Variants in OSBPL3 observed in about 807,000 individuals in gnomAD.
OSBPL3 encodes oxysterol-binding protein-related protein 3.
A neutral mutation model predicts 120.1 loss-of-function variants in OSBPL3; 65 were observed. The ratio of observed to expected loss-of-function variants is 0.54; its 90% CI spans 0.44 to 0.67. The LOEUF (loss-of-function observed/expected upper bound fraction) is 0.67, where lower values mean the gene tolerates loss of function less well. Ranked by LOEUF, OSBPL3 falls within the 30% of genes least tolerant of loss-of-function variation. The probability of loss-of-function intolerance (pLI) is 0.00; values close to 1 mark genes in which losing one functional copy is unlikely to be tolerated. For missense variants in OSBPL3, 1,004 were observed against 1,082.1 expected (o/e 0.93, Z 1.01); for synonymous variants, 416 against 402.6 (o/e 1.03, Z -0.40).
intron 2 of OSBPL3, among the ~76,000 whole-genome samples, chr7:24,885,569 C>A (rs1397944147): frequency 6.6e-6 from 1 of 152,196 alleles, no homozygotes; most frequent in Non-Finnish European, 1.5e-5. Context: ...CATTTCAAAA[C>A]CCCTGCAATC....
intron 1 of OSBPL3, 65 bp downstream of exon 1, chr7:24,979,821 A>T: frequency 1.1e-6 from 1 of 922,714 alleles, no homozygotes; most frequent in Non-Finnish European, 1.3e-6. Flanking sequence ...AGCCCTTCCG[A>T]GCCCGCGCCG....
At chr7:24,926,692 C>A (rs1811093310) in intron 1 of OSBPL3, among the ~76,000 whole-genome samples, 1 of 152,170 alleles carries the variant, frequency 6.6e-6, no homozygotes. Flanking sequence ...TGCCTAACAT[C>A]CCCAGGCTGG....
intron 1 of OSBPL3, among the ~76,000 whole-genome samples, chr7:24,907,523 T>C (rs909148541): frequency 7.8e-6 from 1 of 127,802 alleles, no homozygotes; most frequent in Non-Finnish European, 1.8e-5. Flanking sequence ...TTGGCTGTTA[T>C]CACTCAAACT....
rs1812784999 is a variant in OSBPL3 at position 24,939,061 on chromosome 7, T to G, written c.-150+40825A>C. On this transcript the variant is annotated intron_variant, in intron 1 of 22. Coordinates refer to ENST00000313367, the MANE Select transcript of OSBPL3 (RefSeq NM_015550.4). This position sits in a 1 kb window ranked among gnomAD's most constrained non-coding sequence, Gnocchi z 4.2. ...ATATTGGATGAAATCATAGGAACAG[T>G]TAAGATAGCCCAAGGAATCAGCACT... 6.6e-6 allele frequency among the ~76,000 whole-genome samples: 1 copy of G among 152,044 alleles called. No homozygotes were observed. Among genetic ancestry groups the G allele is most frequent in the African/African-American group, 2.4e-5 (1 of 41,368 alleles).
rs1813777536 is a variant in OSBPL3, at chr7:24,946,746, C to T, written c.-150+33140G>A. ...TCCATGTGGCAAACATTTCTCCCTCCTCTGCTCACATCATTTTTTATCATA... is the reference window on the plus strand; with the variant it reads ...TCCATGTGGCAAACATTTCTCCCTCTTCTGCTCACATCATTTTTTATCATA... On this transcript the variant is annotated intron_variant, in intron 1 of 22. Transcript: ENST00000313367. The surrounding 1 kb of genome is among the most constrained non-coding windows in gnomAD (Gnocchi z 4.3). Among the ~76,000 whole-genome samples, 1 of 152,178 alleles carries T rather than the reference C, an allele frequency of 6.6e-6. No individual in the cohort carries two copies. Among genetic ancestry groups the T allele is most frequent in the South Asian group, 2.1e-4 (1 of 4,838 alleles).
chr7:24,839,514 A>G (rs1797428688), intron 14 of OSBPL3, among the ~76,000 whole-genome samples: 1 of 152,216 alleles, frequency 6.6e-6, no homozygotes, highest in African/African-American at 2.4e-5. Context: ...GGTCCGTCCA[A>G]GAGATAGCCA....
rs1483916963 is a variant in OSBPL3 at position 24,959,566 on chromosome 7, G to A, written c.-150+20320C>T. On this transcript the variant is annotated intron_variant, in intron 1 of 22. Coordinates refer to ENST00000313367, the MANE Select transcript of OSBPL3 (RefSeq NM_015550.4). This position sits in a 1 kb window ranked among gnomAD's most constrained non-coding sequence, Gnocchi z 4.3. Reference sequence around the variant, plus strand: ...GCGGGTAGGGATAGCGACTTCGGAAGAGCTGGTAATCACCTGTTTCTTGTT... The same window carrying A: ...GCGGGTAGGGATAGCGACTTCGGAAAAGCTGGTAATCACCTGTTTCTTGTT... 6.6e-6 allele frequency among the ~76,000 whole-genome samples: 1 copy of A among 152,170 alleles called. No individual in the cohort carries two copies. Among genetic ancestry groups the A allele is most frequent in the East Asian group, 1.9e-4 (1 of 5,206 alleles).
chr7:24,861,384 G>C (rs1800509708), intron 10 of OSBPL3, among the ~76,000 whole-genome samples: 1 of 152,142 alleles, frequency 6.6e-6, no homozygotes, highest in South Asian at 2.1e-4. Context: ...GAATTGCTCA[G>C]CTTTTAAAGT....
intron 1 of OSBPL3, among the ~76,000 whole-genome samples, chr7:24,970,710 T>C (rs1028262274): frequency 6.6e-6 from 1 of 152,210 alleles, no homozygotes; most frequent in African/African-American, 2.4e-5. Flanking sequence ...TACTTCTAGG[T>C]AGCACCTTGT....
intron 1 of OSBPL3, among the ~76,000 whole-genome samples, chr7:24,897,550 C>T (rs1562900360): frequency 6.6e-6 from 1 of 151,974 alleles, no homozygotes; most frequent in African/African-American, 2.4e-5. Flanking sequence ...TGGTCTCGAT[C>T]TCCTGACCTC....
rs1381165309 is a variant in OSBPL3, at chr7:24,932,529, T to C, written c.-149-39908A>G. Among the ~76,000 whole-genome samples the C allele has an allele frequency of 6.6e-6, 1 of 151,982 alleles. No individual in the cohort carries two copies. The highest frequency in any genetic ancestry group is 1.5e-5 in the Non-Finnish European group (1 of 67,982). On this transcript the variant is annotated intron_variant, in intron 1 of 22. Coordinates refer to ENST00000313367, the MANE Select transcript of OSBPL3 (RefSeq NM_015550.4). This position sits in a 1 kb window ranked among gnomAD's most constrained non-coding sequence, Gnocchi z 5.6. ...GTGGGGTCTTTGGGAGGTGATTAGG[T>C]CATGAAGGCAGAGCCCTCATGAATG... is the stretch of plus-strand genomic sequence containing the variant.
intron 1 of OSBPL3, among the ~76,000 whole-genome samples, chr7:24,921,246 T>TGTAG (rs1369672432): frequency 5.3e-5 from 8 of 151,836 alleles, no homozygotes; most frequent in Admixed American, 5.2e-4. Context: ...AATACCACGA[T>TGTAG]GTAGGCTAAA....
At chr7:24,919,577 G>A (rs1327042735) in intron 1 of OSBPL3, among the ~76,000 whole-genome samples, 3 of 151,880 alleles carry the variant, frequency 2.0e-5, no homozygotes, top group Non-Finnish European at 2.9e-5. Flanking sequence ...AAACATAGGG[G>A]TAACTCTTCC....
chr7:24,907,638 C>T (rs926326351), intron 1 of OSBPL3, among the ~76,000 whole-genome samples: 4 of 152,170 alleles, frequency 2.6e-5, no homozygotes, highest in Non-Finnish European at 4.4e-5. Context: ...TTCTCTCTTC[C>T]GTCTGTGGCA....
Position 24,907,107 on chromosome 7 carries a change from C to T in OSBPL3, c.-149-14486G>A, listed in dbSNP as rs543791924. ...TCCCTGACACTGACCTCATCACCCCCCAATGTGTTTTATATTCTTCTATTC... is the reference window on the plus strand; with the variant it reads ...TCCCTGACACTGACCTCATCACCCCTCAATGTGTTTTATATTCTTCTATTC... On this transcript the variant is annotated intron_variant, in intron 1 of 22. Transcript: ENST00000313367. Among the ~76,000 whole-genome samples, 39 of 152,262 alleles carry T rather than the reference C, an allele frequency of 2.6e-4. 1 individual carries two copies. Among genetic ancestry groups the T allele is most frequent in the South Asian group, 2.3e-3 (11 of 4,818 alleles).
chr7:24,940,876 C>A lies in OSBPL3; in HGVS notation c.-150+39010G>T, dbSNP rs190956314. On this transcript the variant is annotated intron_variant, in intron 1 of 22. Transcript: ENST00000313367. This position sits in a 1 kb window ranked among gnomAD's most constrained non-coding sequence, Gnocchi z 4.4. ...GCTCTGTCGCCCAGGCTGGAGTGCA[C>A]TGGCGCGATCTCGGCTCACTGCAAG... Among the ~76,000 whole-genome samples, 1 of 151,042 alleles carries A rather than the reference C, an allele frequency of 6.6e-6. No homozygotes were observed. Among genetic ancestry groups the A allele is most frequent in the African/African-American group, 2.4e-5 (1 of 41,002 alleles).
chr7:24,900,963 G>A lies in OSBPL3; in HGVS notation c.-149-8342C>T, dbSNP rs1402189987. Among the ~76,000 whole-genome samples, 9 of 151,062 alleles carry A rather than the reference G, an allele frequency of 6.0e-5. No homozygotes were observed. Among genetic ancestry groups the A allele is most frequent in the Admixed American group, 6.0e-4 (9 of 15,112 alleles). The stretch of plus-strand genomic sequence containing the variant: ...TTGAGTCTGGGAGGCGGAGGTTGCA[G>A]TGAGCTGAGGTTTTGCCACTGCACT... On this transcript the variant is annotated intron_variant, in intron 1 of 22. Coordinates refer to ENST00000313367, the MANE Select transcript of OSBPL3 (RefSeq NM_015550.4). The surrounding 1 kb of genome is among the most constrained non-coding windows in gnomAD (Gnocchi z 4.5).
intron 14 of OSBPL3, among the ~76,000 whole-genome samples, chr7:24,839,989 CACA>C (rs1283312999): frequency 1.1e-4 from 7 of 65,320 alleles, no homozygotes; most frequent in Non-Finnish European, 1.2e-4. Context: ...GACTCCATCT[CACA>C]AAAAAAAAAA....
chr7:24,832,523 AAAAAAAAAG>A (rs1796518954), intron 15 of OSBPL3, among the ~76,000 whole-genome samples: 1 of 151,184 alleles, frequency 6.6e-6, no homozygotes, highest in Admixed American at 6.6e-5. Context: ...GAAAAAAAAA[AAAAAAAAAG>A]AAGAAGAAAA....
Sources: allele counts gnomAD v4.1 joint callset (sites outside exome capture counted in the v4.1 genomes callset), GRCh38; gene constraint gnomAD v4.1.1; non-coding constraint Gnocchi (gnomAD v3.1); transcripts MANE v1.5; gene names NCBI Gene and HGNC (gene_info 2026-07-23, HGNC 2026-07-21).